Variants in MEAK7 observed in about 807,000 individuals in gnomAD.
MEAK7 encodes the protein MTOR associated protein MEAK7, also known as MTOR-associated protein MEAK7.
MEAK7 carries 68 observed loss-of-function variants against 40.5 expected under a neutral mutation model. The observed-to-expected ratio is 1.68, with a 90% CI of 1.38 to 2.06. The LOEUF (loss-of-function observed/expected upper bound fraction) is 2.06, where lower values mean the gene tolerates loss of function less well. Ranked by LOEUF, MEAK7 falls within the 30% of genes most tolerant of loss-of-function variation. MEAK7 has a pLI of 0.00. For missense variants in MEAK7, 918 were observed against 580.5 expected (o/e 1.58, Z -5.98); for synonymous variants, 338 against 231.9 (o/e 1.46, Z -4.16).
intron 2 of MEAK7, 110 bp downstream of exon 2, chr16:84,497,824 T>G (rs1914177559): frequency 1.3e-6 from 2 of 1,504,470 alleles, no homozygotes; most frequent in Non-Finnish European, 1.8e-6. Flanking sequence ...AACTTTTCAG[T>G]GTTGCCATCC....
rs1041553832 is a variant in MEAK7, at chr16:84,478,099, T to C, written c.*1814A>G. The C allele has an allele frequency of 1.3e-5, 2 of 150,606 alleles. No homozygotes were observed. The highest frequency in any genetic ancestry group is 4.9e-5 in the African/African-American group (2 of 41,004). 9.3% of individuals were successfully genotyped at this position (150,606 alleles called of 1,614,324 possible). The stretch of plus-strand genomic sequence containing the variant: ...GGCAGTTTAATAGTGAGGTATTTAA[T>C]TGCATTTTTATAAAAAACATTGCAA... On this transcript the variant is annotated 3_prime_UTR_variant, in exon 8 of 8. Coordinates refer to ENST00000343629, the MANE Select transcript of MEAK7 (RefSeq NM_020947.4).
chr16:84,490,440 C>A (rs1392586180), intron 3 of MEAK7, among the ~76,000 whole-genome samples: 23 of 122,532 alleles, frequency 1.9e-4, no homozygotes, highest in African/African-American at 6.4e-4. Flanking sequence ...GTTTCTGCCC[C>A]GCCTTTTTTT....
chr16:84,486,371 C>A lies in MEAK7; in HGVS notation c.958+260G>T, dbSNP rs575197613. On this transcript the variant is annotated intron_variant, in intron 5 of 7. Transcript: ENST00000343629. Reference sequence around the variant, plus strand: ...GGCATCTGTGGCTTGACTTCTCCCACGCCCCATAGACCCGGCACCGTGTAA... The same window carrying A: ...GGCATCTGTGGCTTGACTTCTCCCAAGCCCCATAGACCCGGCACCGTGTAA... 6 of 1,121,654 alleles carry A rather than the reference C, an allele frequency of 5.3e-6. No individual in the cohort carries two copies. In the South Asian group the frequency reaches 1.4e-4, roughly 26 times the overall value. 69.5% of individuals were successfully genotyped at this position (1,121,654 alleles called of 1,614,324 possible). A position where few individuals can be genotyped will look rare whatever the true frequency, so the allele number is the denominator to read the frequency against.
chr16:84,501,935 G>T (rs932260655), intron 1 of MEAK7, among the ~76,000 whole-genome samples: 1 of 152,108 alleles, frequency 6.6e-6, no homozygotes, highest in African/African-American at 2.4e-5. Flanking sequence ...TCCTGAGGTC[G>T]GGAGTTCGAG....
chr16:84,495,413 TC>T (rs1555514264), intron 3 of MEAK7, among the ~76,000 whole-genome samples: 1 of 152,152 alleles, frequency 6.6e-6, no homozygotes, highest in Non-Finnish European at 1.5e-5. Flanking sequence ...AAATATGGAT[TC>T]AGTAATGGGA....
At chr16:84,490,652 A>AGGTGT in intron 3 of MEAK7, among the ~76,000 whole-genome samples, 1 of 38,564 alleles carries the variant, frequency 2.6e-5, no homozygotes, top group African/African-American at 1.1e-4. Context: ...AAGCTAATCA[A>AGGTGT]GATGTGTGTG....
In MEAK7 at chr16:84,486,833, C is replaced by T; in HGVS notation, c.756G>A (p.Met252Ile). The T allele has an allele frequency of 1.2e-6, 2 of 1,614,188 alleles. No individual in the cohort carries two copies. Among genetic ancestry groups the T allele is most frequent in the Non-Finnish European group, 1.7e-6 (2 of 1,180,042 alleles). The change falls in exon 5 of 8, where the codon ATG (methionine) becomes ATA (isoleucine). Residue 252 changes from methionine to isoleucine, a missense_variant. Physicochemically the swap from Met to Ile is conservative, Grantham distance 10. Transcript: ENST00000343629. ...CCCGAGGCAGCTGGGCGTTGATGTA[C>T]ATGACAGAGAGGACATCCAGGATGC... ...FESILDVLSV[M>I]YINAQLPREQ...
At chr16:84,488,855 C>A (rs1913318833) in intron 4 of MEAK7, among the ~76,000 whole-genome samples, 1 of 152,056 alleles carries the variant, frequency 6.6e-6, no homozygotes, top group Admixed American at 6.6e-5. Context: ...GAATCAATAA[C>A]CTAGTATTCT....
chr16:84,494,329 C>T (rs906248700), intron 3 of MEAK7, among the ~76,000 whole-genome samples: 1 of 152,124 alleles, frequency 6.6e-6, no homozygotes, highest in African/African-American at 2.4e-5. Context: ...TAGCTTTGAC[C>T]AGTGTCAATT....
Position 84,476,973 on chromosome 16 carries a change from C to T in MEAK7, c.*2940G>A, listed in dbSNP as rs1242125138. 1 of 152,144 alleles carries T rather than the reference C, an allele frequency of 6.6e-6. No individual in the cohort carries two copies. Among genetic ancestry groups the T allele is most frequent in the Non-Finnish European group, 1.5e-5 (1 of 68,086 alleles). The allele number at this position is 152,144 out of a possible 1,614,324, so 9.4% of individuals were successfully genotyped here. A position where few individuals can be genotyped will look rare whatever the true frequency, so the allele number is the denominator to read the frequency against. On this transcript the variant is annotated 3_prime_UTR_variant, in exon 8 of 8. Transcript: ENST00000343629. ...GTGGCACAATCACAGCTTATAGCAG[C>T]CTCAACCTTCCAGGCCTAAATGATC... is the stretch of plus-strand genomic sequence containing the variant.
At position 84,481,863 on chromosome 16, in the gene MEAK7, G is replaced by A. The variant is rs1218426307; in HGVS notation, c.1077+729C>T. ...GCAGGAGAATGGCGTGAACCTGGGA[G>A]GCGGAGCTTGCAGTGAGCCGAGATC... On this transcript the variant is annotated intron_variant, in intron 6 of 7. Coordinates refer to ENST00000343629, the MANE Select transcript of MEAK7 (RefSeq NM_020947.4). Among the ~76,000 whole-genome samples, 14 of 152,168 alleles carry A rather than the reference G, an allele frequency of 9.2e-5. 1 individual carries two copies. Among genetic ancestry groups the A allele is most frequent in the Admixed American group, 9.2e-4 (14 of 15,282 alleles).
In MEAK7 at chr16:84,486,904, T is replaced by C. The variant is rs762576772; in HGVS notation, c.685A>G (p.Thr229Ala). The part of the protein sequence containing the change: ...LILCSSLDLT[T>A]LVPERQVDQG... ...TCCACTTGACGCTCAGGGACCAGGG[T>C]AGTCAGATCAAGAGACGAGCACAGG... Residue 229 changes from threonine to alanine, a missense_variant, in exon 5 of 8, where the codon ACC becomes GCC. Coordinates refer to ENST00000343629, the MANE Select transcript of MEAK7 (RefSeq NM_020947.4). 6.2e-7 allele frequency: 1 copy of C among 1,614,010 alleles called. No homozygotes were observed.
chr16:84,504,378 C>T (rs547977789), intron 1 of MEAK7, among the ~76,000 whole-genome samples: 1 of 152,264 alleles, frequency 6.6e-6, no homozygotes, highest in South Asian at 2.1e-4. Flanking sequence ...TGATTCTGAT[C>T]CCCCCCAGGA....
intron 2 of MEAK7, 88 bp downstream of exon 2, chr16:84,497,846 A>G (rs1914179341): frequency 1.3e-6 from 2 of 1,578,470 alleles, no homozygotes; most frequent in Non-Finnish European, 1.7e-6. Context: ...TCCCATTACA[A>G]AAACACGAAA....
intron 2 of MEAK7, chr16:84,497,253 T>A: frequency 2.4e-6 from 1 of 410,216 alleles, no homozygotes; most frequent in Non-Finnish European, 4.3e-6. Context: ...TCCTTGTCAG[T>A]GTCTTGCCTC....
chr16:84,499,928 T>G (rs1289798777), intron 1 of MEAK7: 1 of 152,196 alleles, frequency 6.6e-6, no homozygotes, highest in Non-Finnish European at 1.5e-5. Flanking sequence ...TCCTAGCTGC[T>G]CCAAAGGCTG....
intron 3 of MEAK7, among the ~76,000 whole-genome samples, chr16:84,495,077 T>A (rs1913928700): frequency 6.6e-6 from 1 of 152,112 alleles, no homozygotes; most frequent in Admixed American, 6.5e-5. Flanking sequence ...GAGACCAGCC[T>A]GGCCAACGTG....
chr16:84,498,345 T>C (rs1041986194), intron 1 of MEAK7, among the ~76,000 whole-genome samples: 43 of 152,228 alleles, frequency 2.8e-4, no homozygotes, highest in Middle Eastern at 3.4e-3. Context: ...CACAGCTCCC[T>C]GCAGCCTCAA....
Position 84,477,836 on chromosome 16 carries a change from C to G in MEAK7, c.*2077G>C, listed in dbSNP as rs1362552683. On this transcript the variant is annotated 3_prime_UTR_variant, in exon 8 of 8. Coordinates refer to ENST00000343629, the MANE Select transcript of MEAK7 (RefSeq NM_020947.4). ...AGAACCGTGCACCAAGAGAAGCCCA[C>G]AGAGAGAGCTGCATCCCCCAGGCTC... The G allele has an allele frequency of 6.6e-6, 1 of 152,162 alleles. No individual in the cohort carries two copies. Among genetic ancestry groups the G allele is most frequent in the Non-Finnish European group, 1.5e-5 (1 of 68,062 alleles). The allele number at this position is 152,162 out of a possible 1,614,324, so 9.4% of individuals were successfully genotyped here.
Sources: gnomAD v4.1 joint callset for allele counts (sites outside exome capture counted in the v4.1 genomes callset) on GRCh38, gnomAD v4.1.1 for gene constraint, MANE v1.5 for transcripts, NCBI Gene and HGNC (gene_info 2026-07-23, HGNC 2026-07-21) for gene names.